Variants in DPP10 observed in about 807,000 individuals in gnomAD.
DPP10 encodes dipeptidyl peptidase like 10.
In DPP10, 33 loss-of-function variants were observed where a neutral mutation model predicts 120.9. The ratio of observed to expected loss-of-function variants is 0.27; its 90% CI spans 0.21 to 0.37. The LOEUF is 0.37. Ranked by LOEUF, DPP10 falls within the 10% of genes least tolerant of loss-of-function variation. DPP10 has a pLI of 1.00. For missense variants in DPP10, 816 were observed against 942.8 expected, an observed-to-expected ratio of 0.87 and a Z score of 1.76; for synonymous variants, 337 against 326.1, an observed-to-expected ratio of 1.03 and a Z score of -0.36.
At chr2:115,688,059 T>C (rs1353099798) in intron 5 of DPP10, among the ~76,000 whole-genome samples, 1 of 133,658 alleles carries the variant, frequency 7.5e-6, no homozygotes, top group Non-Finnish European at 1.6e-5. Flanking sequence ...AGAGAGAAAA[T>C]ATTGACAGAA....
chr2:115,319,197 C>T (rs2061942116), intron 2 of DPP10, among the ~76,000 whole-genome samples: 1 of 151,932 alleles, frequency 6.6e-6, no homozygotes, highest in Non-Finnish European at 1.5e-5. Flanking sequence ...TGTTGTATTA[C>T]ATTGATTTTC....
At chr2:115,150,812 C>T (rs1423593319) in intron 1 of DPP10, among the ~76,000 whole-genome samples, 1 of 152,092 alleles carries the variant, frequency 6.6e-6, no homozygotes, top group East Asian at 1.9e-4. Context: ...ATTTACTATA[C>T]GATGTAAAGT....
chr2:115,087,532 TC>T lies in DPP10; in HGVS notation c.61-221706del, dbSNP rs1180896950. Among the ~76,000 whole-genome samples the T allele has an allele frequency of 4.0e-4, 38 of 94,622 alleles. 1 individual carries two copies. The highest frequency in any genetic ancestry group is 2.9e-3 in the East Asian group (13 of 4,520). The allele number at this position is 94,622 out of a possible 152,430, so 62.1% of individuals were successfully genotyped here. ...TTCTTTTTCTTTCTTTCTTTTCTTTTCTTTTCTTTTTTTTTTTTTTTTTTGA... is the reference window on the plus strand; with the variant it reads ...TTCTTTTTCTTTCTTTCTTTTCTTTTTTTTCTTTTTTTTTTTTTTTTTTGA... On this transcript the variant is annotated intron_variant, in intron 1 of 25. Coordinates refer to ENST00000410059, the MANE Select transcript of DPP10 (RefSeq NM_020868.6).
chr2:115,733,039 T>G (rs1010532532), intron 8 of DPP10, among the ~76,000 whole-genome samples: 7 of 152,142 alleles, frequency 4.6e-5, no homozygotes, highest in African/African-American at 1.4e-4. Context: ...GAACTAAGTT[T>G]GATAGGATGG....
chr2:114,930,128 C>G (rs1048349291), intron 1 of DPP10, among the ~76,000 whole-genome samples: 3 of 152,080 alleles, frequency 2.0e-5, no homozygotes, highest in East Asian at 1.9e-4. Context: ...TTCTGAAAAG[C>G]CTTTTTGACC....
chr2:115,172,877 A>G (rs113659729), intron 1 of DPP10, among the ~76,000 whole-genome samples: 6 of 152,210 alleles, frequency 3.9e-5, no homozygotes, highest in African/African-American at 1.4e-4. Context: ...ATTGTTTGAC[A>G]TTGGAAGCTT....
intron 7 of DPP10, among the ~76,000 whole-genome samples, chr2:115,715,845 TCATTTGGCATTAA>T (rs1219219861): frequency 6.6e-6 from 1 of 152,268 alleles, no homozygotes; most frequent in African/African-American, 2.4e-5. Flanking sequence ...ACTTACAATA[TCATTTGGCATTAA>T]CATTTGACAA....
rs529812862 is a variant in DPP10 at position 115,459,055 on chromosome 2, G to A, written c.272-40455G>A. Among the ~76,000 whole-genome samples the A allele has an allele frequency of 3.3e-5, 5 of 152,152 alleles. No individual in the cohort carries two copies. In the East Asian group the frequency reaches 7.7e-4, roughly 24 times the overall value. On this transcript the variant is annotated intron_variant, in intron 3 of 25. Transcript: ENST00000410059. ...CAGTCAACAATTGCCACTGCAAACA[G>A]CATTGGTTAGCAACTGTATTAAACT...
intron 3 of DPP10, among the ~76,000 whole-genome samples, chr2:115,355,759 C>G (rs1336563940): frequency 6.6e-6 from 1 of 152,190 alleles, no homozygotes; most frequent in Non-Finnish European, 1.5e-5. Flanking sequence ...TGCCCAGTTT[C>G]AGCTTTCTGC....
At chr2:114,875,701 ACATT>A (rs1691094817) in intron 1 of DPP10, among the ~76,000 whole-genome samples, 1 of 152,146 alleles carries the variant, frequency 6.6e-6, no homozygotes, top group Non-Finnish European at 1.5e-5. Context: ...AAATAATGAA[ACATT>A]CATTATTTCA....
At chr2:115,600,680 A>G (rs911454259) in intron 5 of DPP10, among the ~76,000 whole-genome samples, 6 of 152,260 alleles carry the variant, frequency 3.9e-5, no homozygotes, top group African/African-American at 1.4e-4. Context: ...AATTTGTAAG[A>G]GATGGCACCT....
chr2:114,468,284 A>G (rs1456485824), intron 1 of DPP10, among the ~76,000 whole-genome samples: 1 of 151,254 alleles, frequency 6.6e-6, no homozygotes, highest in African/African-American at 2.4e-5. Context: ...TAGTAGCAAG[A>G]GGTCCAGATC....
Position 115,746,767 on chromosome 2 carries a change from CAT to C in DPP10, c.950+585_950+586del, listed in dbSNP as rs1304630158. On this transcript the variant is annotated intron_variant, in intron 10 of 25. Transcript: ENST00000410059. ...AGTAGTGAACAACTAATTAAATAAT[CAT>C]GTGTATTTTGAAATCCATCATGGTT... Among the ~76,000 whole-genome samples the C allele has an allele frequency of 2.0e-5, 3 of 152,038 alleles. No individual in the cohort carries two copies. In the East Asian group the frequency reaches 5.8e-4, roughly 29 times the overall value.
intron 19 of DPP10, among the ~76,000 whole-genome samples, chr2:115,814,174 G>A (rs955756822): frequency 6.6e-6 from 1 of 151,860 alleles, no homozygotes; most frequent in African/African-American, 2.4e-5. Flanking sequence ...ATATATCTAT[G>A]CTTCTTTCTG....
chr2:114,559,830 A>T (rs1688611528), intron 1 of DPP10, among the ~76,000 whole-genome samples: 1 of 151,316 alleles, frequency 6.6e-6, no homozygotes, highest in Non-Finnish European at 1.5e-5. Context: ...CAATTTGGTA[A>T]AGAATAAACT....
At chr2:114,822,078 C>T (rs72959598) in intron 1 of DPP10, among the ~76,000 whole-genome samples, 2,313 of 152,244 alleles carry the variant, frequency 0.015, 50 homozygotes, top group African/African-American at 0.047. Context: ...TGTGAGGGCT[C>T]CCACCACCCA....
chr2:114,915,928 AGG>A (rs1407880845), intron 1 of DPP10, among the ~76,000 whole-genome samples: 32 of 152,300 alleles, frequency 2.1e-4, no homozygotes, highest in African/African-American at 7.5e-4. Context: ...TCATATGTAG[AGG>A]AACTAGAAAA....
chr2:115,449,352 GA>G (rs2072908720), intron 3 of DPP10, among the ~76,000 whole-genome samples: 5 of 152,032 alleles, frequency 3.3e-5, no homozygotes, highest in Admixed American at 3.3e-4. Flanking sequence ...AAATATCAGA[GA>G]AACATATGCT....
intron 3 of DPP10, among the ~76,000 whole-genome samples, chr2:115,385,226 A>G (rs779696159): frequency 2.6e-5 from 4 of 152,160 alleles, no homozygotes; most frequent in Non-Finnish European, 5.9e-5. Context: ...GTCCTGCCCC[A>G]TACCTGGGAG....
Sources: allele counts gnomAD v4.1 joint callset (sites outside exome capture counted in the v4.1 genomes callset), GRCh38; gene constraint gnomAD v4.1.1; transcripts MANE v1.5; gene names NCBI Gene and HGNC (gene_info 2026-07-23, HGNC 2026-07-21).